VPS13A: variants seen among roughly 807,000 people sequenced by gnomAD.
VPS13A encodes vacuolar protein sorting 13 homolog A, also known as intermembrane lipid transfer protein VPS13A.
A neutral mutation model predicts 390.9 loss-of-function variants in VPS13A; 264 were observed. The ratio of observed to expected loss-of-function variants is 0.68; its 90% CI spans 0.61 to 0.75. The LOEUF is 0.75. VPS13A is among the 30% of genes least tolerant of loss of function. VPS13A has a pLI of 0.00. For synonymous variants in VPS13A, 1,231 were observed against 1,227.1 expected, an observed-to-expected ratio of 1.00 and a Z score of -0.07; for missense variants, 3,409 against 3,733.9, an observed-to-expected ratio of 0.91 and a Z score of 2.27.
intron 15 of VPS13A, 104 bp from the exon 16 acceptor site, chr9:77,227,287 G>A (rs559196478): frequency 2.1e-5 from 18 of 842,414 alleles, no homozygotes; most frequent in East Asian, 8.1e-5. Context: ...TCTTAAGAGC[G>A]TTCAAGAAAG....
chr9:77,351,193 T>TA, intron 52 of VPS13A, 124 bp from the exon 53 acceptor site: 1 of 1,304,626 alleles, frequency 7.7e-7, no homozygotes, highest in African/African-American at 1.5e-5. Context: ...ATTTCAGCCT[T>TA]GTTTTAATCA....
rs184227164 is a variant in VPS13A, at chr9:77,281,199, A to T, written c.2905-668A>T. ...AAATGGTACAAAGTTCCAGATAGAC[A>T]GGAAGAATAATTTTTGAGATCTGTA... is the stretch of plus-strand genomic sequence containing the variant. On this transcript the variant is annotated intron_variant, in intron 27 of 71. Transcript: ENST00000360280. Among the ~76,000 whole-genome samples the T allele has an allele frequency of 5.0e-3, 765 of 152,278 alleles. 6 individuals carry two copies. The highest frequency in any genetic ancestry group is 8.2e-3 in the Non-Finnish European group (558 of 68,000).
intron 71 of VPS13A, among the ~76,000 whole-genome samples, chr9:77,408,784 A>T (rs927845632): frequency 6.6e-6 from 1 of 152,228 alleles, no homozygotes; most frequent in Non-Finnish European, 1.5e-5. Flanking sequence ...GAGTAGCTAA[A>T]CAAAGCAGCT....
intron 1 of VPS13A, among the ~76,000 whole-genome samples, chr9:77,195,437 A>G (rs1004583847): frequency 1.3e-4 from 19 of 151,596 alleles, no homozygotes; most frequent in African/African-American, 4.6e-4. Flanking sequence ...TGATCTTTTT[A>G]GAAAACTAAC....
chr9:77,269,656 C>T (rs1826239867), intron 23 of VPS13A, among the ~76,000 whole-genome samples: 1 of 152,154 alleles, frequency 6.6e-6, no homozygotes, highest in South Asian at 2.1e-4. Flanking sequence ...CATGGTATAT[C>T]TCTCCATTTG....
Position 77,283,639 on chromosome 9 carries a change from A to G in VPS13A, c.3328A>G (p.Ile1110Val), listed in dbSNP as rs375598784. 3.7e-5 allele frequency: 59 copies of G among 1,604,496 alleles called. No homozygotes were observed. The highest frequency in any genetic ancestry group is 1.7e-4 in the Middle Eastern group (1 of 5,948). ...TGTTTTAGATTCTGATATAACAGCT[A>G]TATACAAAAAGGTAAGAATTCTTTT... ...IIVLDSDITAIYKKAVYITGK... is the reference protein window; with the variant it reads ...IIVLDSDITAVYKKAVYITGK... The change falls in exon 31 of 72, where the codon ATA (isoleucine) becomes GTA (valine). Residue 1110 changes from isoleucine to valine, a missense_variant. This residue lies in a region of VPS13A where 2,717 missense variants were observed against 2,917.4 expected (regional missense o/e 0.93). Coordinates refer to ENST00000360280, the MANE Select transcript of VPS13A (RefSeq NM_033305.3).
intron 59 of VPS13A, among the ~76,000 whole-genome samples, chr9:77,363,737 T>C (rs1832281267): frequency 6.6e-6 from 1 of 152,194 alleles, no homozygotes; most frequent in South Asian, 2.1e-4. Context: ...GACTTTCCTT[T>C]TAGTTGTCTT....
At chr9:77,278,295 A>C (rs1409333023) in intron 26 of VPS13A, among the ~76,000 whole-genome samples, 1 of 143,350 alleles carries the variant, frequency 7.0e-6, no homozygotes, top group Non-Finnish European at 1.5e-5. Context: ...CCATAGTCTC[A>C]ATCTCCTGAC....
intron 68 of VPS13A, among the ~76,000 whole-genome samples, chr9:77,393,154 AT>A (rs1440560713): frequency 6.6e-6 from 1 of 152,228 alleles, no homozygotes; most frequent in African/African-American, 2.4e-5. Flanking sequence ...ATCTTCCCCG[AT>A]AATAGATTCC....
intron 23 of VPS13A, among the ~76,000 whole-genome samples, chr9:77,262,613 G>A (rs1035726824): frequency 3.3e-5 from 5 of 151,898 alleles, no homozygotes; most frequent in Non-Finnish European, 5.9e-5. Flanking sequence ...GCCCCAGTGT[G>A]TGATGTTCCC....
rs1349952289 is a variant in VPS13A at position 77,257,706 on chromosome 9, C to T, written c.2289-2380C>T. The stretch of plus-strand genomic sequence containing the variant: ...GCTTGAGCCCAGGAGGTTGAGGCTA[C>T]GGTGGGTTATGATTATGTCACTGCA... On this transcript the variant is annotated intron_variant, in intron 22 of 71. Coordinates refer to ENST00000360280, the MANE Select transcript of VPS13A (RefSeq NM_033305.3). Among the ~76,000 whole-genome samples the T allele has an allele frequency of 2.6e-5, 4 of 152,020 alleles. No individual in the cohort carries two copies. In the South Asian group the frequency reaches 8.3e-4, roughly 32 times the overall value.
intron 68 of VPS13A, chr9:77,385,262 CT>C (rs1381053454): frequency 2.9e-6 from 2 of 684,780 alleles, no homozygotes; most frequent in Non-Finnish European, 3.6e-6. Context: ...CAGTCATGGC[CT>C]CTCATGGAAG....
chr9:77,241,467 A>C (rs1339232954), intron 19 of VPS13A, among the ~76,000 whole-genome samples: 1 of 147,654 alleles, frequency 6.8e-6, no homozygotes, highest in African/African-American at 2.5e-5. Flanking sequence ...TCATAAGTAC[A>C]GTATTTTATA....
chr9:77,298,698 T>C (rs550436272), intron 33 of VPS13A, among the ~76,000 whole-genome samples: 2 of 152,294 alleles, frequency 1.3e-5, no homozygotes, highest in South Asian at 4.1e-4. Flanking sequence ...AGTTTGGCCA[T>C]GTCCCCACCC....
At chr9:77,354,870 A>G (rs1257349248) in intron 54 of VPS13A, among the ~76,000 whole-genome samples, 8 of 152,046 alleles carry the variant, frequency 5.3e-5, no homozygotes, top group Non-Finnish European at 1.2e-4. Flanking sequence ...CATACTCTCA[A>G]CAGTTTACAG....
chr9:77,406,105 G>T, intron 70 of VPS13A, 118 bp downstream of exon 70: 1 of 1,366,652 alleles, frequency 7.3e-7, no homozygotes, highest in Non-Finnish European at 1.0e-6. Flanking sequence ...TCCTGGTGTG[G>T]TTTTCCCTTA....
intron 1 of VPS13A, 52 bp from the exon 2 acceptor site, chr9:77,199,893 T>A (rs1825223401): frequency 6.6e-7 from 1 of 1,514,724 alleles, no homozygotes; most frequent in African/African-American, 1.4e-5. Context: ...ATATTAACTT[T>A]TTAAAATGAA....
chr9:77,323,434 T>C lies in VPS13A; in HGVS notation c.5991+207T>C, dbSNP rs796405272. On this transcript the variant is annotated intron_variant, in intron 45 of 71. Coordinates refer to ENST00000360280, the MANE Select transcript of VPS13A (RefSeq NM_033305.3). ...TTGTTCAATATACTTCTTATAATTT[T>C]TTAATAGGAATATTTTGTAAAATCT... Among the ~76,000 whole-genome samples, 102 of 152,298 alleles carry C rather than the reference T, an allele frequency of 6.7e-4. 1 individual carries two copies. Among genetic ancestry groups the C allele is most frequent in the African/African-American group, 2.3e-3 (95 of 41,574 alleles).
chr9:77,414,891 C>T (rs1311365902), intron 71 of VPS13A, among the ~76,000 whole-genome samples: 1 of 152,134 alleles, frequency 6.6e-6, no homozygotes, highest in East Asian at 1.9e-4. Flanking sequence ...GCTGTGGTGA[C>T]TGTTTACCAG....
Sources: allele counts gnomAD v4.1 joint callset (sites outside exome capture counted in the v4.1 genomes callset), GRCh38; gene constraint gnomAD v4.1.1; regional missense constraint gnomAD v4.1.1; transcripts MANE v1.5; gene names NCBI Gene and HGNC (gene_info 2026-07-23, HGNC 2026-07-21).